Variants in RORA observed in about 807,000 individuals in gnomAD.
The protein encoded by RORA is nuclear receptor ROR-alpha.
Under a neutral mutation model 69.5 loss-of-function variants are expected in RORA, and 7 were observed. The observed-to-expected ratio is 0.10, with a 90% CI of 0.06 to 0.19. The LOEUF is 0.19. Ranked by LOEUF, RORA falls within the 10% of genes least tolerant of loss-of-function variation. The pLI is 1.00. For synonymous variants in RORA, 261 were observed against 240.8 expected (o/e 1.08, Z -0.78); for missense variants, 457 against 663.0 (o/e 0.69, Z 3.41).
rs2079364749 is a variant in RORA at position 61,147,899 on chromosome 15, A to C, written c.166+81154T>G. 6.6e-6 allele frequency among the ~76,000 whole-genome samples: 1 copy of C among 152,154 alleles called. No individual in the cohort carries two copies. The highest frequency in any genetic ancestry group is 2.1e-4 in the South Asian group (1 of 4,830). The stretch of plus-strand genomic sequence containing the variant: ...GCAGAAACTTGGCAGGGCAGGAACA[A>C]GGATAGTTCATCCAGAATTACCTTA... On this transcript the variant is annotated intron_variant, in intron 1 of 10. Coordinates refer to ENST00000335670, the MANE Select transcript of RORA (RefSeq NM_134261.3). The surrounding 1 kb of genome is among the most constrained non-coding windows in gnomAD (Gnocchi z 4.1).
At chr15:60,802,223 T>TA (rs1450631461) in intron 1 of RORA, among the ~76,000 whole-genome samples, 1 of 152,216 alleles carries the variant, frequency 6.6e-6, no homozygotes, top group Non-Finnish European at 1.5e-5. Flanking sequence ...GGTCAACCGT[T>TA]ACAACCTTCT....
chr15:60,781,154 A>G (rs983066609), intron 1 of RORA, among the ~76,000 whole-genome samples: 10 of 152,154 alleles, frequency 6.6e-5, no homozygotes, highest in Non-Finnish European at 1.2e-4. Context: ...AGGTATGCTG[A>G]GGCTGGCTGG....
intron 1 of RORA, among the ~76,000 whole-genome samples, chr15:60,743,162 G>T (rs553401643): frequency 6.6e-6 from 1 of 151,606 alleles, no homozygotes; most frequent in East Asian, 1.9e-4. Flanking sequence ...CTACAGATAT[G>T]TACCACCATG....
At chr15:60,801,215 G>C (rs938266910) in intron 1 of RORA, among the ~76,000 whole-genome samples, 2 of 152,168 alleles carry the variant, frequency 1.3e-5, no homozygotes, top group Admixed American at 1.3e-4. Context: ...GTGAACTTGG[G>C]TGGAAAGGTT....
intron 1 of RORA, among the ~76,000 whole-genome samples, chr15:61,113,867 G>A (rs141040346): frequency 9.9e-5 from 15 of 152,272 alleles, no homozygotes; most frequent in Middle Eastern, 3.4e-3. Flanking sequence ...ATTGACCTTC[G>A]TTGCCAAGGC....
At chr15:60,843,261 C>G (rs537100603) in intron 1 of RORA, among the ~76,000 whole-genome samples, 1 of 152,310 alleles carries the variant, frequency 6.6e-6, no homozygotes, top group East Asian at 1.9e-4. Context: ...TGGTCAGTCT[C>G]CTGCACTCTA....
intron 1 of RORA, among the ~76,000 whole-genome samples, chr15:61,192,857 C>G (rs1444108713): frequency 6.6e-6 from 1 of 152,176 alleles, no homozygotes; most frequent in Non-Finnish European, 1.5e-5. Context: ...TGAAACGGAG[C>G]TAACACTTGC....
intron 1 of RORA, among the ~76,000 whole-genome samples, chr15:61,028,419 GA>G (rs759304753): frequency 1.8e-4 from 27 of 152,110 alleles, no homozygotes; most frequent in Non-Finnish European, 3.5e-4. Context: ...ACTAAATTAG[GA>G]TTCATTCATT....
chr15:60,999,844 T>C (rs1237522638), intron 1 of RORA, among the ~76,000 whole-genome samples: 4 of 152,244 alleles, frequency 2.6e-5, no homozygotes, highest in African/African-American at 9.6e-5. Flanking sequence ...AACTGGCTTG[T>C]GGCCATTTAG....
chr15:60,764,333 C>T (rs2071946808), intron 1 of RORA, among the ~76,000 whole-genome samples: 1 of 151,896 alleles, frequency 6.6e-6, no homozygotes, highest in South Asian at 2.1e-4. Flanking sequence ...TTGGGCGAGT[C>T]TTTGATTTTT....
intron 2 of RORA, among the ~76,000 whole-genome samples, chr15:60,535,210 T>TATTG (rs1288087749): frequency 4.6e-5 from 7 of 152,206 alleles, no homozygotes; most frequent in Non-Finnish European, 1.0e-4. Flanking sequence ...TTCACAAGTA[T>TATTG]ATTGATTAAA....
intron 1 of RORA, among the ~76,000 whole-genome samples, chr15:61,129,672 A>AG (rs1303297827): frequency 1.3e-5 from 2 of 152,246 alleles, no homozygotes; most frequent in African/African-American, 4.8e-5. Flanking sequence ...AATGAATGAC[A>AG]GTTCAGTCAA....
chr15:60,612,659 CTGTTTTT>C (rs1296458484), intron 2 of RORA, among the ~76,000 whole-genome samples: 1 of 117,328 alleles, frequency 8.5e-6, no homozygotes, highest in African/African-American at 3.8e-5. Context: ...CTCTCTCTCT[CTGTTTTT>C]TTTTTTTTTT....
intron 1 of RORA, among the ~76,000 whole-genome samples, chr15:60,801,468 A>T (rs575945731): frequency 1.3e-5 from 2 of 152,366 alleles, no homozygotes; most frequent in South Asian, 4.1e-4. Flanking sequence ...AGGAATACAG[A>T]ACGGCTGTCT....
At chr15:60,582,657 T>G (rs1211341981) in intron 2 of RORA, among the ~76,000 whole-genome samples, 1 of 152,214 alleles carries the variant, frequency 6.6e-6, no homozygotes, top group Non-Finnish European at 1.5e-5. Flanking sequence ...TTATCTGAGT[T>G]ATCTTTAAAA....
chr15:60,550,745 A>G (rs946193342), intron 2 of RORA, among the ~76,000 whole-genome samples: 1 of 152,250 alleles, frequency 6.6e-6, no homozygotes, highest in African/African-American at 2.4e-5. Context: ...GAAAAGAAGT[A>G]ATGCTACCCT....
chr15:60,817,269 G>T (rs568663146), intron 1 of RORA, among the ~76,000 whole-genome samples: 9 of 152,132 alleles, frequency 5.9e-5, no homozygotes, highest in Non-Finnish European at 1.2e-4. Flanking sequence ...TCAGTGCATC[G>T]AAAAGTTATG....
chr15:60,716,532 T>C (rs1221969546), intron 1 of RORA, among the ~76,000 whole-genome samples: 4 of 152,152 alleles, frequency 2.6e-5, no homozygotes, highest in Non-Finnish European at 5.9e-5. Flanking sequence ...TCATATATAT[T>C]GGTTTTCATC....
At chr15:60,649,195 G>A (rs1313563680) in intron 2 of RORA, among the ~76,000 whole-genome samples, 1 of 151,816 alleles carries the variant, frequency 6.6e-6, no homozygotes, top group Non-Finnish European at 1.5e-5. Flanking sequence ...TCATGTAGCA[G>A]GTGAAGGACT....
Sources: allele counts gnomAD v4.1 joint callset (sites outside exome capture counted in the v4.1 genomes callset), GRCh38; gene constraint gnomAD v4.1.1; non-coding constraint Gnocchi (gnomAD v3.1); transcripts MANE v1.5; gene names NCBI Gene and HGNC (gene_info 2026-07-23, HGNC 2026-07-21).